OTOG: variants seen among roughly 807,000 people sequenced by gnomAD.
OTOG encodes the protein otogelin.
In OTOG, 296 loss-of-function variants were observed where a neutral mutation model predicts 313.8. That is an observed-to-expected ratio of 0.94 (90% CI 0.86 to 1.04). The LOEUF (loss-of-function observed/expected upper bound fraction) is 1.04, where lower values mean the gene tolerates loss of function less well. Among genes scored for constraint, OTOG ranks in the 50% least tolerant of loss-of-function variants. The pLI, the probability that OTOG is intolerant of heterozygous loss-of-function variation, is 0.00. For synonymous variants in OTOG, 1,533 were observed against 1,554.9 expected, an observed-to-expected ratio of 0.99 and a Z score of 0.33; for missense variants, 3,948 against 3,840.1, an observed-to-expected ratio of 1.03 and a Z score of -0.74.
At chr11:17,616,814 T>A (rs1462788414) in intron 39 of OTOG, among the ~76,000 whole-genome samples, 1 of 152,216 alleles carries the variant, frequency 6.6e-6, no homozygotes, top group Non-Finnish European at 1.5e-5. Flanking sequence ...CAGAGACAGT[T>A]TTATTTCTTC....
chr11:17,638,790 T>G, intron 48 of OTOG: 2 of 1,507,174 alleles, frequency 1.3e-6, no homozygotes, highest in Non-Finnish European at 1.8e-6. Flanking sequence ...CCAAAGAGGG[T>G]TTCCGTCTTA....
In OTOG at chr11:17,593,696, C is replaced by T. The variant is rs1434012117; in HGVS notation, c.3228C>T (p.His1076=). ...FFTLVHFPQE[H]ITLLWDQRTT... is the part of the protein sequence containing the mutation. ...CACTGGTGCATTTCCCACAGGAGCA[C>T]ATCACCCTCTTGTGGGACCAGAGAA... is the stretch of plus-strand genomic sequence containing the variant. Residue 1076 remains histidine, a synonymous_variant, in exon 27 of 56, where the codon CAC becomes CAT. Coordinates refer to ENST00000399397, the MANE Select transcript of OTOG (RefSeq NM_001292063.2). 2.6e-6 allele frequency: 4 copies of T among 1,548,870 alleles called. No homozygotes were observed. Among genetic ancestry groups the T allele is most frequent in the Non-Finnish European group, 1.7e-6 (2 of 1,146,990 alleles).
intron 24 of OTOG, 27 bp from the exon 25 acceptor site, chr11:17,591,423 G>T (rs1303667010): frequency 6.5e-7 from 1 of 1,550,122 alleles, no homozygotes; most frequent in Non-Finnish European, 8.7e-7. Flanking sequence ...TGTGCCCTGT[G>T]ATCTGGTCTG....
chr11:17,608,221 G>A, intron 33 of OTOG, 75 bp from the exon 34 acceptor site: 1 of 993,442 alleles, frequency 1.0e-6, no homozygotes, highest in South Asian at 1.9e-5. Context: ...CACAGGATGG[G>A]GGGCAGGGCT....
chr11:17,635,980 C>T (rs1854256239), intron 47 of OTOG, among the ~76,000 whole-genome samples: 2 of 152,168 alleles, frequency 1.3e-5, no homozygotes, highest in African/African-American at 4.8e-5. Context: ...AGGACAAATA[C>T]TTGGGTCCCT....
chr11:17,558,728 C>T, intron 10 of OTOG, 84 bp downstream of exon 10: 1 of 1,292,306 alleles, frequency 7.7e-7, no homozygotes, highest in Non-Finnish European at 1.1e-6. Context: ...CTGGGTGATC[C>T]CAGGCACTGC....
At position 17,608,559 on chromosome 11, in the gene OTOG, C is replaced by T. The variant is rs905800980; in HGVS notation, c.4274+146C>T. The T allele has an allele frequency of 1.7e-5, 10 of 583,226 alleles. No homozygotes were observed. In the East Asian group the frequency reaches 3.1e-4, roughly 18 times the overall value. 36.1% of individuals were successfully genotyped at this position (583,226 alleles called of 1,614,324 possible). A position where few individuals can be genotyped will look rare whatever the true frequency, so the allele number is the denominator to read the frequency against. Reference sequence around the variant, plus strand: ...GTAACTGTGTCTTTCCGTATATGCACATATGTCAGCATATGTGACTATCTA... The same window carrying T: ...GTAACTGTGTCTTTCCGTATATGCATATATGTCAGCATATGTGACTATCTA... On this transcript the variant is annotated intron_variant, in intron 34 of 55. Coordinates refer to ENST00000399397, the MANE Select transcript of OTOG (RefSeq NM_001292063.2).
intron 13 of OTOG, 137 bp downstream of exon 13, chr11:17,560,954 A>C: frequency 8.2e-7 from 1 of 1,217,402 alleles, no homozygotes; most frequent in Non-Finnish European, 1.2e-6. Context: ...GAGTCTCATT[A>C]GATCCAATCC....
intron 54 of OTOG, among the ~76,000 whole-genome samples, chr11:17,643,994 C>T (rs1376863028): frequency 6.6e-6 from 1 of 152,234 alleles, no homozygotes; most frequent in Non-Finnish European, 1.5e-5. Context: ...CTCGGAAGCC[C>T]ACTGCACTGG....
chr11:17,636,983 C>T (rs1854282051), intron 47 of OTOG, among the ~76,000 whole-genome samples: 1 of 152,194 alleles, frequency 6.6e-6, no homozygotes, highest in South Asian at 2.1e-4. Context: ...TGCTCCAAAA[C>T]AGAGGCTGTT....
chr11:17,638,655 C>G, intron 48 of OTOG, 106 bp downstream of exon 48: 1 of 1,481,798 alleles, frequency 6.7e-7, no homozygotes, highest in Non-Finnish European at 9.2e-7. Flanking sequence ...TCAGATCTGT[C>G]CCCTGCAGGG....
At chr11:17,550,349 A>T (rs759917239) in intron 3 of OTOG, among the ~76,000 whole-genome samples, 1 of 152,234 alleles carries the variant, frequency 6.6e-6, no homozygotes, top group Non-Finnish European at 1.5e-5. Context: ...ATAAAATGAT[A>T]TTGTGATATA....
chr11:17,613,369 CTT>C (rs1491244474), intron 38 of OTOG, among the ~76,000 whole-genome samples: 11 of 104,526 alleles, frequency 1.1e-4, no homozygotes, highest in Middle Eastern at 4.8e-3. Context: ...TCCTTCCTTC[CTT>C]CCCTCCTTCC....
intron 20 of OTOG, 100 bp from the exon 21 acceptor site, chr11:17,576,456 C>T (rs1852527964): frequency 3.3e-6 from 3 of 899,252 alleles, no homozygotes; most frequent in Non-Finnish European, 3.6e-6. Context: ...TCCCTGTGTC[C>T]TTATGCACCT....
At chr11:17,557,000 T>G in intron 7 of OTOG, 118 bp from the exon 8 acceptor site, 3 of 917,590 alleles carry the variant, frequency 3.3e-6, no homozygotes, top group Non-Finnish European at 4.9e-6. Context: ...TGGGAATTCA[T>G]GGGGAGGGGA....
rs752709315 is a variant in OTOG at position 17,576,587 on chromosome 11, G to A, written c.2518G>A (p.Asp840Asn). ...GTGCTCCTGCCACTTCCAGGGAGTG[G>A]ACTATCCCCCCGGAGACAGTGACAT... ...NQCSCHFQGV[D>N]YPPGDSDIPS... Residue 840 changes from aspartate to asparagine, a missense_variant, in exon 21 of 56, where the codon GAC becomes AAC. Physicochemically the swap from Asp to Asn is conservative, Grantham distance 23. Coordinates refer to ENST00000399397, the MANE Select transcript of OTOG (RefSeq NM_001292063.2). 1 of 1,550,534 alleles carries A rather than the reference G, an allele frequency of 6.4e-7. No homozygotes were observed. The highest frequency in any genetic ancestry group is 8.7e-7 in the Non-Finnish European group (1 of 1,146,928).
At chr11:17,603,549 G>T (rs1391005427) in intron 32 of OTOG, among the ~76,000 whole-genome samples, 1 of 152,114 alleles carries the variant, frequency 6.6e-6, no homozygotes. Context: ...TCCAGTCCAG[G>T]CTCCGTCTCA....
At position 17,572,085 on chromosome 11, in the gene OTOG, C is replaced by T; in HGVS notation, c.1961C>T (p.Pro654Leu). The T allele has an allele frequency of 1.3e-6, 2 of 1,550,410 alleles. No individual in the cohort carries two copies. Among genetic ancestry groups the T allele is most frequent in the Non-Finnish European group, 1.7e-6 (2 of 1,146,926 alleles). Residue 654 changes from proline (P) to leucine (L), a missense_variant, in exon 18 of 56, where the codon CCA becomes CTA. Physicochemically the swap from Pro to Leu is moderately conservative, Grantham distance 98. Coordinates refer to ENST00000399397, the MANE Select transcript of OTOG (RefSeq NM_001292063.2). ...TGGCTGTGACATGGCTGCAGGTCTC[C>T]AGTGGGTGTACCTGAGAGCACCCCA... ...NGNTQDDFLSPVGVPESTPQL... is the reference protein window; with the variant it reads ...NGNTQDDFLSLVGVPESTPQL...
At chr11:17,626,145 G>A (rs1853979287) in intron 39 of OTOG, among the ~76,000 whole-genome samples, 1 of 152,052 alleles carries the variant, frequency 6.6e-6, no homozygotes, top group Non-Finnish European at 1.5e-5. Flanking sequence ...TCTCTATTCT[G>A]TTCCATTAGT....
Sources: gnomAD v4.1 joint callset for allele counts (sites outside exome capture counted in the v4.1 genomes callset) on GRCh38, gnomAD v4.1.1 for gene constraint, MANE v1.5 for transcripts, NCBI Gene and HGNC (gene_info 2026-07-23, HGNC 2026-07-21) for gene names.